Variants in MCU observed in about 807,000 individuals in gnomAD.
MCU encodes mitochondrial calcium uniporter.
MCU carries 12 observed loss-of-function variants against 45.2 expected under a neutral mutation model. The observed-to-expected ratio is 0.27, with a 90% CI of 0.17 to 0.43. The LOEUF (loss-of-function observed/expected upper bound fraction) is 0.43. Ranked by LOEUF, MCU falls within the 20% of genes least tolerant of loss-of-function variation. MCU has a pLI of 1.00. For missense variants in MCU, 324 were observed against 436.7 expected (o/e 0.74, Z 2.30); for synonymous variants, 160 against 165.1 (o/e 0.97, Z 0.24).
At chr10:72,784,757 C>T (rs1004775336) in intron 1 of MCU, among the ~76,000 whole-genome samples, 8 of 152,146 alleles carry the variant, frequency 5.3e-5, no homozygotes, top group Non-Finnish European at 1.0e-4. Context: ...TGCACCCTGC[C>T]TCTCTGGCTG....
At chr10:72,733,868 G>A (rs916913279) in intron 1 of MCU, among the ~76,000 whole-genome samples, 2 of 150,792 alleles carry the variant, frequency 1.3e-5, no homozygotes, top group African/African-American at 4.9e-5. Flanking sequence ...TTATTATGAT[G>A]GTACAATATG....
chr10:72,709,581 G>A (rs1207228545), intron 1 of MCU, among the ~76,000 whole-genome samples: 2 of 149,878 alleles, frequency 1.3e-5, no homozygotes, highest in East Asian at 3.9e-4. Context: ...GGATTTTCTG[G>A]TGTTTTTTTT....
chr10:72,793,233 A>G (rs1844194350), intron 1 of MCU, among the ~76,000 whole-genome samples: 1 of 152,186 alleles, frequency 6.6e-6, no homozygotes, highest in Non-Finnish European at 1.5e-5. Context: ...CCTAGAAATC[A>G]GCATTGTCAC....
intron 1 of MCU, among the ~76,000 whole-genome samples, chr10:72,726,521 A>G (rs746928642): frequency 2.0e-5 from 3 of 151,328 alleles, no homozygotes; most frequent in African/African-American, 4.9e-5. Context: ...TTTTTTTGTC[A>G]CTGTGAACAT....
At position 72,860,438 on chromosome 10, in the gene MCU, C is replaced by T; in HGVS notation, c.407C>T (p.Ala136Val). The T allele has an allele frequency of 6.2e-7, 1 of 1,613,874 alleles. No homozygotes were observed. Among genetic ancestry groups the T allele is most frequent in the Non-Finnish European group, 8.5e-7 (1 of 1,179,854 alleles). The change falls in exon 4 of 8, where the codon GCT (alanine) becomes GTT (valine). Residue 136 changes from alanine (A) to valine (V), a missense_variant. Ala to Val is a moderately conservative substitution (Grantham distance 64). Coordinates refer to ENST00000373053, the MANE Select transcript of MCU (RefSeq NM_138357.3). ...AIYSPDGVRV[A>V]ASTGIDLLLL... ...ATTTTCACAGATGGTGTTCGCGTTG[C>T]TGCTTCAACAGGAATAGACCTCCTC...
chr10:72,714,334 C>T (rs1333212228), intron 1 of MCU, among the ~76,000 whole-genome samples: 5 of 78,786 alleles, frequency 6.3e-5, no homozygotes, highest in African/African-American at 1.9e-4. Context: ...TTCAGTTCCC[C>T]CCGCCCTGGT....
At chr10:72,779,698 T>C (rs1332316742) in intron 1 of MCU, among the ~76,000 whole-genome samples, 2 of 152,192 alleles carry the variant, frequency 1.3e-5, no homozygotes, top group African/African-American at 4.8e-5. Flanking sequence ...TCATTAGTCA[T>C]TATAGAAATG....
At chr10:72,834,811 C>T (rs1002123477) in intron 2 of MCU, among the ~76,000 whole-genome samples, 4 of 152,094 alleles carry the variant, frequency 2.6e-5, no homozygotes, top group Admixed American at 2.6e-4. Flanking sequence ...AGGCGAGCAC[C>T]ACCATGCCCA....
rs1845780192 is a variant in MCU, at chr10:72,886,675, A to ATTTCCTT, written c.*854_*855insTTCCTTT. The ATTTCCTT allele has an allele frequency of 6.6e-6, 1 of 152,384 alleles. No individual in the cohort carries two copies. The highest frequency in any genetic ancestry group is 1.5e-5 in the Non-Finnish European group (1 of 68,044). The allele number at this position is 152,384 out of a possible 1,614,324, so 9.4% of individuals were successfully genotyped here. A position where few individuals can be genotyped will look rare whatever the true frequency, so the allele number is the denominator to read the frequency against. ...TCAGCTGTACTACCAAATCAGGAAG[A>ATTTCCTT]TGTAAGGTTTACAAATTGGCTAAGA... On this transcript the variant is annotated 3_prime_UTR_variant, in exon 8 of 8. Coordinates refer to ENST00000373053, the MANE Select transcript of MCU (RefSeq NM_138357.3).
At chr10:72,737,308 C>T (rs1843264289) in intron 1 of MCU, among the ~76,000 whole-genome samples, 1 of 152,110 alleles carries the variant, frequency 6.6e-6, no homozygotes, top group Non-Finnish European at 1.5e-5. Flanking sequence ...TGAGCAGAAA[C>T]CTCAATTCAA....
At chr10:72,738,477 A>T (rs959040257) in intron 1 of MCU, among the ~76,000 whole-genome samples, 7 of 152,234 alleles carry the variant, frequency 4.6e-5, no homozygotes, top group Admixed American at 6.5e-5. Flanking sequence ...TAGAAAGTTT[A>T]TGCTAAACAA....
intron 1 of MCU, among the ~76,000 whole-genome samples, chr10:72,833,934 A>G (rs1217177849): frequency 6.6e-6 from 1 of 152,234 alleles, no homozygotes; most frequent in African/African-American, 2.4e-5. Context: ...CAGCTACTTA[A>G]TAACTCTCAT....
rs535597780 is a variant in MCU at position 72,708,780 on chromosome 10, A to G, written c.150+16479A>G. On this transcript the variant is annotated intron_variant, in intron 1 of 7. Transcript: ENST00000373053. ...AGCTAATACTCTTAAAACAGTTTCG[A>G]TTGTGCTGAAACAAGCAGGACTAAA... Among the ~76,000 whole-genome samples the G allele has an allele frequency of 4.9e-4, 75 of 152,308 alleles. 2 individuals carry two copies. The highest frequency in any genetic ancestry group is 1.8e-3 in the African/African-American group (73 of 41,570).
intron 1 of MCU, among the ~76,000 whole-genome samples, chr10:72,719,505 T>C (rs1461188918): frequency 6.6e-6 from 1 of 152,218 alleles, no homozygotes; most frequent in East Asian, 1.9e-4. Context: ...GGAATATTCA[T>C]GTGTTTACGA....
intron 1 of MCU, among the ~76,000 whole-genome samples, chr10:72,725,131 AT>A (rs945790990): frequency 4.6e-4 from 68 of 146,364 alleles, no homozygotes; most frequent in Non-Finnish European, 3.5e-4. Flanking sequence ...CACCTGGCTA[AT>A]TTTTTTTTTT....
Position 72,846,051 on chromosome 10 carries a change from A to AT in MCU, c.220+11634dup, listed in dbSNP as rs886734429. Among the ~76,000 whole-genome samples, 941 of 148,446 alleles carry AT rather than the reference A, an allele frequency of 6.3e-3. 12 individuals carry two copies. The highest frequency in any genetic ancestry group is 0.021 in the African/African-American group (849 of 40,618). On this transcript the variant is annotated intron_variant, in intron 2 of 7. Transcript: ENST00000373053. ...AAATGGAAAATTCCAGAAATAAACAATTTTTTTTTTTGAGACAGAGTCTTG... is the reference window on the plus strand; with the variant it reads ...AAATGGAAAATTCCAGAAATAAACAATTTTTTTTTTTTGAGACAGAGTCTTG...
intron 1 of MCU, among the ~76,000 whole-genome samples, chr10:72,754,409 A>G (rs1041147475): frequency 1.3e-5 from 2 of 152,186 alleles, no homozygotes; most frequent in African/African-American, 2.4e-5. Context: ...TCTGATCATC[A>G]GTATTTTCCT....
intron 1 of MCU, among the ~76,000 whole-genome samples, chr10:72,812,253 C>T (rs1206084034): frequency 6.6e-6 from 1 of 151,984 alleles, no homozygotes; most frequent in Non-Finnish European, 1.5e-5. Context: ...TCAAGCAATT[C>T]TCCTGTCTCA....
intron 1 of MCU, among the ~76,000 whole-genome samples, chr10:72,742,768 C>T (rs1258908269): frequency 6.6e-6 from 1 of 152,020 alleles, no homozygotes; most frequent in Non-Finnish European, 1.5e-5. Flanking sequence ...ATTGATTATA[C>T]CCATTAGGGG....
Sources: allele counts gnomAD v4.1 joint callset (sites outside exome capture counted in the v4.1 genomes callset), GRCh38; gene constraint gnomAD v4.1.1; transcripts MANE v1.5; gene names NCBI Gene and HGNC (gene_info 2026-07-23, HGNC 2026-07-21).